Variants in ZNF560 observed in about 807,000 individuals in gnomAD.
The protein encoded by ZNF560 is zinc finger protein 560.
A neutral mutation model predicts 81.8 loss-of-function variants in ZNF560; 54 were observed. That is an observed-to-expected ratio of 0.66 (90% CI 0.53 to 0.83). ZNF560 has a LOEUF of 0.83. ZNF560 is among the 40% of genes least tolerant of loss of function. ZNF560 has a pLI of 0.00. For missense variants in ZNF560, 940 were observed against 932.4 expected, an observed-to-expected ratio of 1.01 and a Z score of -0.11; for synonymous variants, 321 against 317.9, an observed-to-expected ratio of 1.01 and a Z score of -0.10.
At chr19:9,493,848 T>G (rs1256681406) in intron 2 of ZNF560, among the ~76,000 whole-genome samples, 2 of 152,070 alleles carry the variant, frequency 1.3e-5, no homozygotes, top group African/African-American at 4.8e-5. Context: ...GAAATTAACA[T>G]GGCTTCAGGC....
At chr19:9,485,438 C>CCG (rs2073369749) in intron 2 of ZNF560, among the ~76,000 whole-genome samples, 4 of 147,470 alleles carry the variant, frequency 2.7e-5, no homozygotes, top group African/African-American at 1.0e-4. Context: ...ATCTTGTCAA[C>CCG]AGATGCAGAA....
intron 2 of ZNF560, among the ~76,000 whole-genome samples, chr19:9,494,206 A>G (rs1356400973): frequency 6.6e-6 from 1 of 151,988 alleles, no homozygotes; most frequent in Admixed American, 6.6e-5. Context: ...GGGGTGAGAA[A>G]TTCTCCCTTC....
chr19:9,453,686 A>G, the ZNF560 span, among the ~76,000 whole-genome samples: 1 of 152,216 alleles, frequency 6.6e-6, no homozygotes, highest in African/African-American at 2.4e-5. Context: ...TGCCTACAAA[A>G]TATAAAAATA....
intron 2 of ZNF560, among the ~76,000 whole-genome samples, chr19:9,497,392 G>T (rs533143991): frequency 6.6e-6 from 1 of 151,448 alleles, no homozygotes; most frequent in Non-Finnish European, 1.5e-5. Flanking sequence ...AAAATTATCC[G>T]GGCACGGTGG....
At chr19:9,446,365 TAC>T in the ZNF560 span, among the ~76,000 whole-genome samples, 2,648 of 145,144 alleles carry the variant, frequency 0.018, 19 homozygotes, top group Middle Eastern at 0.052. Context: ...TGCCAAGTCA[TAC>T]ACACACACAC....
intron 2 of ZNF560, among the ~76,000 whole-genome samples, chr19:9,475,801 T>C (rs2073192448): frequency 6.6e-6 from 1 of 151,954 alleles, no homozygotes. Context: ...AGAGATGGGG[T>C]TTCACCGTGT....
chr19:9,503,010 T>C (rs895402076), upstream of ZNF560, among the ~76,000 whole-genome samples: 6 of 152,142 alleles, frequency 3.9e-5, no homozygotes, highest in African/African-American at 1.4e-4. Context: ...CTTTCCTCTT[T>C]TTTGGTAGTT....
chr19:9,482,275 G>A (rs911236581), intron 2 of ZNF560, among the ~76,000 whole-genome samples: 1 of 152,032 alleles, frequency 6.6e-6, no homozygotes, highest in Non-Finnish European at 1.5e-5. Context: ...GGCCTGTTGT[G>A]GGGTGGGGGT....
chr19:9,482,731 T>A (rs997151317), intron 2 of ZNF560, among the ~76,000 whole-genome samples: 4 of 148,112 alleles, frequency 2.7e-5, no homozygotes, highest in Non-Finnish European at 6.0e-5. Flanking sequence ...TGGACTGTAC[T>A]GCCACCATCT....
At chr19:9,474,905 G>A (rs766121653) in intron 3 of ZNF560, among the ~76,000 whole-genome samples, 3 of 141,804 alleles carry the variant, frequency 2.1e-5, no homozygotes, top group Non-Finnish European at 3.0e-5. Context: ...AAGATCAAGC[G>A]ATAATGCCAC....
downstream of ZNF560, among the ~76,000 whole-genome samples, chr19:9,464,723 G>C (rs1366037487): frequency 6.6e-6 from 1 of 152,206 alleles, no homozygotes; most frequent in African/African-American, 2.4e-5. Flanking sequence ...CTTTAGGTCA[G>C]TTGTAACCCA....
At chr19:9,501,462 G>A (rs1369550639), upstream of ZNF560, among the ~76,000 whole-genome samples, 6 of 150,922 alleles carry the variant, frequency 4.0e-5, no homozygotes, top group South Asian at 2.1e-4. Flanking sequence ...GGGTTCAAGC[G>A]ATTCTCCTGC....
chr19:9,467,165 G>T lies in ZNF560; in HGVS notation c.1782C>A (p.His594Gln). The change falls in exon 10 of 10, where the codon CAC (histidine) becomes CAA (glutamine). Residue 594 changes from histidine to glutamine, a missense_variant. Physicochemically the swap from His to Gln is conservative, Grantham distance 24. Transcript: ENST00000301480. ...TACATTCATATGGCTTCTCTCCACT[G>T]TGTCTTCGTAAATGTTTAGTAAGGT... ...RSYLTKHLRR[H>Q]SGEKPYECKK... is the part of the protein sequence containing the mutation. 1 of 1,613,788 alleles carries T rather than the reference G, an allele frequency of 6.2e-7. No homozygotes were observed. Among genetic ancestry groups the T allele is most frequent in the Non-Finnish European group, 8.5e-7 (1 of 1,179,938 alleles).
the ZNF560 span, among the ~76,000 whole-genome samples, chr19:9,454,784 G>A: frequency 6.6e-6 from 1 of 152,324 alleles, no homozygotes; most frequent in Non-Finnish European, 1.5e-5. Context: ...TCTGGTCAGT[G>A]TGGGCTCTGA....
Position 9,495,475 on chromosome 19 carries a change from G to A in ZNF560, c.-57+2653C>T, listed in dbSNP as rs191187905. Among the ~76,000 whole-genome samples the A allele has an allele frequency of 2.4e-3, 368 of 152,334 alleles. 1 individual carries two copies. Among genetic ancestry groups the A allele is most frequent in the Middle Eastern group, 0.01 (3 of 294 alleles). Reference sequence around the variant, plus strand: ...AATCCCAGCACTTTGGGAGGCCAAGGTGGGCCAATCACTTGATGCCAGGTG... The same window carrying A: ...AATCCCAGCACTTTGGGAGGCCAAGATGGGCCAATCACTTGATGCCAGGTG... On this transcript the variant is annotated intron_variant, in intron 2 of 9. Transcript: ENST00000301480.
chr19:9,500,326 G>A (rs542075236), upstream of ZNF560, among the ~76,000 whole-genome samples: 7 of 150,842 alleles, frequency 4.6e-5, no homozygotes, highest in South Asian at 2.1e-4. Flanking sequence ...CGGAGGTTAC[G>A]GAGTTTGCAG....
intron 5 of ZNF560, among the ~76,000 whole-genome samples, chr19:9,472,542 G>A (rs112928840): frequency 2.7e-4 from 41 of 152,200 alleles, no homozygotes; most frequent in African/African-American, 6.7e-4. Context: ...TTTAGTTTGC[G>A]CGCTCCTTTT....
At chr19:9,505,031 G>A in the ZNF560 span, among the ~76,000 whole-genome samples, 1 of 152,200 alleles carries the variant, frequency 6.6e-6, no homozygotes, top group African/African-American at 2.4e-5. Flanking sequence ...GTTGCTGTGA[G>A]CCAAGATTGC....
chr19:9,491,774 C>T (rs1343217033), intron 2 of ZNF560, among the ~76,000 whole-genome samples: 2 of 109,456 alleles, frequency 1.8e-5, no homozygotes, highest in African/African-American at 1.0e-4. Flanking sequence ...TGCAGTGAGC[C>T]GAGATCCTGC....
Sources: allele counts gnomAD v4.1 joint callset (sites outside exome capture counted in the v4.1 genomes callset), GRCh38; gene constraint gnomAD v4.1.1; transcripts MANE v1.5; gene names NCBI Gene and HGNC (gene_info 2026-07-23, HGNC 2026-07-21).